Variants in ZNF423 observed in about 807,000 individuals in gnomAD.
ZNF423 encodes zinc finger protein 423.
A neutral mutation model predicts 95.8 loss-of-function variants in ZNF423; 12 were observed. The observed-to-expected ratio is 0.13, with a 90% CI of 0.08 to 0.20. The LOEUF (loss-of-function observed/expected upper bound fraction) is 0.20. Ranked by LOEUF, ZNF423 falls within the 10% of genes least tolerant of loss-of-function variation. ZNF423 has a pLI of 1.00. For synonymous variants in ZNF423, 749 were observed against 711.9 expected, an observed-to-expected ratio of 1.05 and a Z score of -0.83; for missense variants, 1,316 against 1,737.1, an observed-to-expected ratio of 0.76 and a Z score of 4.31.
chr16:49,671,536 G>A (rs1031582544), intron 3 of ZNF423, among the ~76,000 whole-genome samples: 4 of 152,150 alleles, frequency 2.6e-5, no homozygotes, highest in Admixed American at 6.5e-5. Flanking sequence ...CACCCACCCC[G>A]CCCTGCATGG....
At chr16:49,527,364 C>A (rs1338622900) in intron 5 of ZNF423, among the ~76,000 whole-genome samples, 1 of 152,204 alleles carries the variant, frequency 6.6e-6, no homozygotes, top group East Asian at 1.9e-4. Flanking sequence ...AGGCTCAGCA[C>A]GCTCGCCCTG....
At chr16:49,508,407 C>T (rs1967742830) in intron 7 of ZNF423, among the ~76,000 whole-genome samples, 1 of 150,646 alleles carries the variant, frequency 6.6e-6, no homozygotes, top group Non-Finnish European at 1.5e-5. Context: ...GTAGTCCCAG[C>T]TACTCAGGAG....
chr16:49,668,270 A>T (rs1357502883), intron 3 of ZNF423, among the ~76,000 whole-genome samples: 2 of 152,140 alleles, frequency 1.3e-5, no homozygotes, highest in African/African-American at 4.8e-5. Context: ...GTAAAATGGG[A>T]AAACATTTTA....
At chr16:49,736,612 C>A (rs1567319349) in intron 2 of ZNF423, among the ~76,000 whole-genome samples, 1 of 152,146 alleles carries the variant, frequency 6.6e-6, no homozygotes, top group African/African-American at 2.4e-5. Flanking sequence ...CCAGGCAACA[C>A]AGTGAGACCC....
At chr16:49,720,017 A>G (rs1452670850) in intron 3 of ZNF423, among the ~76,000 whole-genome samples, 1 of 152,096 alleles carries the variant, frequency 6.6e-6, no homozygotes, top group Non-Finnish European at 1.5e-5. Context: ...AGACCTGAAC[A>G]TAATATTGTA....
intron 7 of ZNF423, among the ~76,000 whole-genome samples, chr16:49,499,278 C>T (rs996121732): frequency 2.0e-5 from 3 of 152,240 alleles, no homozygotes; most frequent in Admixed American, 6.5e-5. Flanking sequence ...CCCGTCCCTG[C>T]CTGCCAGACA....
intron 2 of ZNF423, among the ~76,000 whole-genome samples, chr16:49,759,873 C>A (rs1453139933): frequency 1.3e-5 from 2 of 152,026 alleles, no homozygotes; most frequent in Non-Finnish European, 2.9e-5. Context: ...CCCTTTGGCC[C>A]TGGTTCTCTT....
chr16:49,549,203 C>G (rs1332506345), intron 5 of ZNF423, among the ~76,000 whole-genome samples: 1 of 152,124 alleles, frequency 6.6e-6, no homozygotes, highest in African/African-American at 2.4e-5. Context: ...CCGTGGGGCT[C>G]TTGGCTTTGC....
chr16:49,737,674 C>T (rs971020122), intron 2 of ZNF423, among the ~76,000 whole-genome samples: 1 of 152,174 alleles, frequency 6.6e-6, no homozygotes, highest in Non-Finnish European at 1.5e-5. Flanking sequence ...GGGAGAGGCC[C>T]CAGGGGACCA....
At chr16:49,674,866 C>G (rs747389975) in intron 3 of ZNF423, among the ~76,000 whole-genome samples, 1 of 152,070 alleles carries the variant, frequency 6.6e-6, no homozygotes, top group Non-Finnish European at 1.5e-5. Flanking sequence ...GGACTGAGTC[C>G]CAGCCCTTCC....
Position 49,632,829 on chromosome 16 carries a change from C to T in ZNF423, c.3516+2831G>A, listed in dbSNP as rs146552003. The stretch of plus-strand genomic sequence containing the variant: ...GGATGCAGAGCACTCCAGGGAGGCT[C>T]ACACAGCCCAAGGCTTTGGAGGCTC... On this transcript the variant is annotated intron_variant, in intron 4 of 7. Coordinates refer to ENST00000563137, the MANE Select transcript of ZNF423 (RefSeq NM_001379286.1). 2.8e-3 allele frequency among the ~76,000 whole-genome samples: 431 copies of T among 152,292 alleles called. 5 individuals are homozygous for T. The highest frequency in any genetic ancestry group is 5.0e-3 in the Non-Finnish European group (339 of 68,026).
intron 7 of ZNF423, among the ~76,000 whole-genome samples, chr16:49,512,032 T>C (rs1967917518): frequency 6.6e-6 from 1 of 152,206 alleles, no homozygotes. Flanking sequence ...CACTATACTA[T>C]ACTATACTAT....
chr16:49,639,202 C>A (rs897441390), intron 3 of ZNF423, among the ~76,000 whole-genome samples: 1 of 152,196 alleles, frequency 6.6e-6, no homozygotes, highest in Admixed American at 6.5e-5. Flanking sequence ...GCAGCCTGGA[C>A]AAAGTCACTG....
chr16:49,789,922 C>T (rs541495393), intron 1 of ZNF423, among the ~76,000 whole-genome samples: 22 of 152,206 alleles, frequency 1.4e-4, no homozygotes, highest in Admixed American at 6.5e-4. Context: ...CCTCAGGACA[C>T]GCTGAGGTCA....
At chr16:49,581,828 G>T (rs544933032) in intron 5 of ZNF423, among the ~76,000 whole-genome samples, 24 of 152,228 alleles carry the variant, frequency 1.6e-4, no homozygotes, top group Middle Eastern at 6.8e-3. Flanking sequence ...CAATCCAAAT[G>T]CGATCTGGCA....
intron 1 of ZNF423, among the ~76,000 whole-genome samples, chr16:49,801,328 C>A (rs1444977405): frequency 1.3e-5 from 2 of 152,228 alleles, no homozygotes; most frequent in Non-Finnish European, 1.5e-5. Flanking sequence ...TCAGCTCCTG[C>A]CTGAAAGTCA....
chr16:49,783,931 C>T (rs1759147417), intron 2 of ZNF423, among the ~76,000 whole-genome samples: 1 of 146,914 alleles, frequency 6.8e-6, no homozygotes, highest in African/African-American at 2.5e-5. Flanking sequence ...GATGGTGCCA[C>T]TACACTCCAG....
intron 2 of ZNF423, chr16:49,731,298 CT>C: frequency 1.0e-6 from 1 of 985,128 alleles, no homozygotes; most frequent in Non-Finnish European, 1.2e-6. Context: ...AGTTACACAC[CT>C]TTTTAAAGCC....
chr16:49,561,350 TG>T (rs2151768977), intron 5 of ZNF423, among the ~76,000 whole-genome samples: 1 of 152,334 alleles, frequency 6.6e-6, no homozygotes, highest in Admixed American at 6.5e-5. Flanking sequence ...TCTACTTTAC[TG>T]GGGGTATGTG....
Sources: gnomAD v4.1 joint callset for allele counts (sites outside exome capture counted in the v4.1 genomes callset) on GRCh38, gnomAD v4.1.1 for gene constraint, MANE v1.5 for transcripts, NCBI Gene and HGNC (gene_info 2026-07-23, HGNC 2026-07-21) for gene names.